NRG3: variants seen among roughly 807,000 people sequenced by gnomAD.
NRG3 encodes the protein neuregulin 3, also known as pro-neuregulin-3, membrane-bound isoform.
NRG3 carries 31 observed loss-of-function variants against 66.9 expected under a neutral mutation model. The observed-to-expected ratio is 0.46, with a 90% CI of 0.35 to 0.63. The LOEUF (loss-of-function observed/expected upper bound fraction) is 0.63. Among genes scored for constraint, NRG3 ranks in the 20% least tolerant of loss-of-function variants. The pLI, the probability that NRG3 is intolerant of heterozygous loss-of-function variation, is 0.00. For missense variants in NRG3, 910 were observed against 878.9 expected (o/e 1.04, Z -0.45); for synonymous variants, 393 against 359.4 (o/e 1.09, Z -1.06).
chr10:82,085,251 G>A (rs765802730), intron 1 of NRG3, among the ~76,000 whole-genome samples: 9 of 152,146 alleles, frequency 5.9e-5, no homozygotes, highest in South Asian at 2.1e-4. Context: ...ATCTGTCCAC[G>A]TGAGGAACAA....
intron 1 of NRG3, among the ~76,000 whole-genome samples, chr10:81,924,698 A>C (rs757054351): frequency 6.6e-6 from 1 of 152,176 alleles, no homozygotes; most frequent in Non-Finnish European, 1.5e-5. Context: ...TCGTTAGCCA[A>C]AGTTTTAGGC....
chr10:81,875,887 A>G lies in NRG3; in HGVS notation c.547A>G (p.Thr183Ala). The change falls in exon 1 of 9, where the codon ACA becomes GCA. Residue 183 changes from threonine to alanine, a missense_variant. Physicochemically the swap from Thr to Ala is moderately conservative, Grantham distance 58. Transcript: ENST00000372141. The surrounding 1 kb of genome is among the most constrained non-coding windows in gnomAD (Gnocchi z 5.3). Reference sequence around the variant, plus strand: ...CATCCGGGCCAGCCCGCGCTCCACCACAGCACGGAACACTGCGGCCCCTGC... The same window carrying G: ...CATCCGGGCCAGCCCGCGCTCCACCGCAGCACGGAACACTGCGGCCCCTGC... The part of the protein sequence containing the change: ...VPIRASPRST[T>A]ARNTAAPATV... 1 of 1,611,832 alleles carries G rather than the reference A, an allele frequency of 6.2e-7. No homozygotes were observed. The highest frequency in any genetic ancestry group is 8.5e-7 in the Non-Finnish European group (1 of 1,179,832).
At chr10:82,624,526 ACCT>A (rs1307378215) in intron 2 of NRG3, among the ~76,000 whole-genome samples, 1 of 152,070 alleles carries the variant, frequency 6.6e-6, no homozygotes, top group Non-Finnish European at 1.5e-5. Context: ...ATGCATGGTA[ACCT>A]CATACTCTGA....
intron 3 of NRG3, among the ~76,000 whole-genome samples, chr10:82,825,455 C>T (rs1350038512): frequency 6.6e-6 from 1 of 152,126 alleles, no homozygotes; most frequent in Non-Finnish European, 1.5e-5. Context: ...TTTCTAGAAT[C>T]AGACAGATTA....
chr10:82,711,732 G>T (rs2056680556), intron 2 of NRG3, among the ~76,000 whole-genome samples: 1 of 151,728 alleles, frequency 6.6e-6, no homozygotes, highest in African/African-American at 2.4e-5. Context: ...TCTACTATTG[G>T]TCTGTTTATC....
intron 1 of NRG3, among the ~76,000 whole-genome samples, chr10:82,087,098 G>T (rs2065770277): frequency 6.6e-6 from 1 of 152,084 alleles, no homozygotes. Context: ...GGTAACTCAG[G>T]CAATAATCAT....
intron 2 of NRG3, among the ~76,000 whole-genome samples, chr10:82,536,342 C>G (rs1847811366): frequency 6.6e-6 from 1 of 152,158 alleles, no homozygotes; most frequent in African/African-American, 2.4e-5. Context: ...AAATCATTTT[C>G]CATTAGACAT....
chr10:81,964,344 C>T (rs1388086957), intron 1 of NRG3, among the ~76,000 whole-genome samples: 3 of 132,968 alleles, frequency 2.3e-5, no homozygotes, highest in African/African-American at 8.7e-5. Flanking sequence ...TGCAGTGAGC[C>T]AAGATTGCAT....
chr10:82,881,714 A>G (rs548369776), intron 4 of NRG3, among the ~76,000 whole-genome samples: 25 of 152,168 alleles, frequency 1.6e-4, no homozygotes, highest in Non-Finnish European at 3.2e-4. Context: ...CTATGTATTT[A>G]TGTATGTGTG....
intron 2 of NRG3, among the ~76,000 whole-genome samples, chr10:82,572,589 GTT>G (rs571623201): frequency 6.7e-6 from 1 of 148,532 alleles, no homozygotes; most frequent in Non-Finnish European, 1.5e-5. Flanking sequence ...CAATCAGGTG[GTT>G]TTTTTTGTGT....
intron 1 of NRG3, among the ~76,000 whole-genome samples, chr10:82,050,993 T>C (rs2063565123): frequency 6.6e-6 from 1 of 150,940 alleles, no homozygotes; most frequent in Admixed American, 6.6e-5. Context: ...TTTCTGGAAA[T>C]AGTGGGGAGG....
intron 7 of NRG3, 64 bp downstream of exon 7, chr10:82,973,979 T>A: frequency 6.3e-7 from 1 of 1,577,584 alleles, no homozygotes; most frequent in Non-Finnish European, 8.7e-7. Flanking sequence ...GGGTGGCACA[T>A]GCCAAGGACT....
intron 2 of NRG3, among the ~76,000 whole-genome samples, chr10:82,681,941 T>C (rs954800961): frequency 5.3e-5 from 8 of 152,224 alleles, no homozygotes; most frequent in African/African-American, 1.7e-4. Flanking sequence ...CTTTCCCTGG[T>C]TTCCTGCACA....
At chr10:82,326,560 C>A (rs1408273258) in intron 1 of NRG3, among the ~76,000 whole-genome samples, 1 of 152,032 alleles carries the variant, frequency 6.6e-6, no homozygotes, top group East Asian at 1.9e-4. Context: ...TTTGAAGTCG[C>A]CCCATACTTC....
chr10:82,681,285 A>G (rs1002743028), intron 2 of NRG3, among the ~76,000 whole-genome samples: 48 of 152,332 alleles, frequency 3.2e-4, no homozygotes, highest in African/African-American at 1.1e-3. Flanking sequence ...ATATTTTCTG[A>G]AACTCAGTTT....
intron 1 of NRG3, among the ~76,000 whole-genome samples, chr10:81,882,298 A>G (rs1664365194): frequency 6.6e-6 from 1 of 152,168 alleles, no homozygotes; most frequent in Admixed American, 6.5e-5. Flanking sequence ...GGCTAAGAGG[A>G]GTTAGATTAA....
At chr10:82,332,817 T>C (rs918241980) in intron 1 of NRG3, among the ~76,000 whole-genome samples, 1 of 152,176 alleles carries the variant, frequency 6.6e-6, no homozygotes, top group African/African-American at 2.4e-5. Context: ...CTGATACTTA[T>C]GATCCAAAAT....
At chr10:82,104,970 A>G (rs1384944868) in intron 1 of NRG3, among the ~76,000 whole-genome samples, 1 of 152,130 alleles carries the variant, frequency 6.6e-6, no homozygotes, top group African/African-American at 2.4e-5. Flanking sequence ...TCTTTTGAGG[A>G]CACATTTATA....
chr10:82,957,528 A>G (rs1850169872), intron 5 of NRG3, among the ~76,000 whole-genome samples: 1 of 151,964 alleles, frequency 6.6e-6, no homozygotes, highest in Admixed American at 6.5e-5. Flanking sequence ...AGAGCCGGAG[A>G]AGGACATGAA....
Sources: gnomAD v4.1 joint callset for allele counts (sites outside exome capture counted in the v4.1 genomes callset) on GRCh38, gnomAD v4.1.1 for gene constraint, Gnocchi (gnomAD v3.1) non-coding constraint, MANE v1.5 for transcripts, NCBI Gene and HGNC (gene_info 2026-07-23, HGNC 2026-07-21) for gene names.